Variants in U2AF2 observed in about 807,000 individuals in gnomAD.
U2AF2 encodes the protein splicing factor U2AF 65 kDa subunit.
In U2AF2, 6 loss-of-function variants were observed where a neutral mutation model predicts 52.6. The observed-to-expected ratio is 0.11, with a 90% confidence interval of 0.06 to 0.23. The LOEUF (loss-of-function observed/expected upper bound fraction) is 0.23, where lower values mean the gene tolerates loss of function less well. Ranked by LOEUF, U2AF2 falls within the 10% of genes least tolerant of loss-of-function variation. The probability of loss-of-function intolerance (pLI) is 1.00; values close to 1 mark genes in which losing one functional copy is unlikely to be tolerated. For missense variants in U2AF2, 222 were observed against 677.1 expected, an observed-to-expected ratio of 0.33 and a Z score of 7.46; for synonymous variants, 284 against 258.2, an observed-to-expected ratio of 1.10 and a Z score of -0.96.
intron 1 of U2AF2, among the ~76,000 whole-genome samples, chr19:55,655,523 C>T (rs888118390): frequency 6.6e-6 from 1 of 152,268 alleles, no homozygotes. Flanking sequence ...TCCCCGTAAT[C>T]TCTTTTCTCC....
chr19:55,667,798 T>C (rs570042467), intron 7 of U2AF2, among the ~76,000 whole-genome samples: 16 of 151,576 alleles, frequency 1.1e-4, no homozygotes, highest in Non-Finnish European at 1.5e-4. Context: ...TTTTTTTTTT[T>C]CCTTTGAGAT....
At chr19:55,662,910 T>C (rs543453998) in intron 6 of U2AF2, among the ~76,000 whole-genome samples, 91 of 152,236 alleles carry the variant, frequency 6.0e-4, no homozygotes, top group African/African-American at 2.1e-3. Flanking sequence ...CACACTGACC[T>C]TCCCAGAACC....
At chr19:55,666,724 A>G (rs1055850864) in intron 7 of U2AF2, among the ~76,000 whole-genome samples, 2 of 152,212 alleles carry the variant, frequency 1.3e-5, no homozygotes, top group Admixed American at 6.5e-5. Flanking sequence ...CCAAGGAGCC[A>G]TGAACCCAGG....
rs200671944 is a variant in U2AF2, at chr19:55,668,771, G to C, written c.924G>C (p.Val308=). 5.0e-6 allele frequency: 8 copies of C among 1,613,112 alleles called. No homozygotes were observed. In the Admixed American group the frequency reaches 1.3e-4, roughly 27 times the overall value. ...LSKGYAFCEY[V]DINVTDQAIA... ...AGGGCTACGCCTTCTGTGAGTACGTGGACATCAACGTCACGGATCAGGTGA... is the reference window on the plus strand; with the variant it reads ...AGGGCTACGCCTTCTGTGAGTACGTCGACATCAACGTCACGGATCAGGTGA... Residue 308 remains valine (V), a synonymous_variant, in exon 9 of 12, where the codon GTG becomes GTC. Coordinates refer to ENST00000308924, the MANE Select transcript of U2AF2 (RefSeq NM_007279.3). The surrounding 1 kb of genome is among the most constrained non-coding windows in gnomAD (Gnocchi z 5.5).
At chr19:55,663,786 C>G (rs775180554) in intron 7 of U2AF2, 42 bp downstream of exon 7, 8 of 1,610,656 alleles carry the variant, frequency 5.0e-6, no homozygotes, top group Non-Finnish European at 6.8e-6. Context: ...TCCCCCAGTC[C>G]TGTTCCCATG....
At chr19:55,670,432 TCCGTGCACCCTGCTGTC>T (rs1285477685) in intron 11 of U2AF2, among the ~76,000 whole-genome samples, 6,622 of 114,906 alleles carry the variant, frequency 0.058, 46 homozygotes, top group East Asian at 0.15. Flanking sequence ...GTCCCTGCTG[TCCGTGCACCCTGCTGTC>T]CCGTGCACCC....
intron 7 of U2AF2, among the ~76,000 whole-genome samples, chr19:55,666,865 C>G (rs1408778426): frequency 6.6e-6 from 1 of 152,250 alleles, no homozygotes; most frequent in Non-Finnish European, 1.5e-5. Flanking sequence ...GCCATGCTGC[C>G]TGTGGGGAGT....
intron 7 of U2AF2, among the ~76,000 whole-genome samples, chr19:55,666,714 C>T (rs546801231): frequency 6.6e-6 from 1 of 152,330 alleles, no homozygotes; most frequent in East Asian, 1.9e-4. Context: ...AGACTTGAAC[C>T]CAAGGAGCCA....
chr19:55,660,507 C>CCGCCCCCCGGGGG lies in U2AF2; in HGVS notation c.231-9_231-8insCGCCCCCCGGGGG. 7.6e-7 allele frequency: 1 copy of CCGCCCCCCGGGGG among 1,309,724 alleles called. No individual in the cohort carries two copies. Among genetic ancestry groups the CCGCCCCCCGGGGG allele is most frequent in the Non-Finnish European group, 1.1e-6 (1 of 925,846 alleles). 81.1% of individuals were successfully genotyped at this position (1,309,724 alleles called of 1,614,324 possible). ...GCCCTGCCCCGCTCTCCCCTCCCAC[C>CCGCCCCCCGGGGG]TCCCCCAGTCGTTCCCCCCGCCACG... is the stretch of plus-strand genomic sequence containing the variant. On this transcript the variant is annotated splice_polypyrimidine_tract_variant and intron_variant, in intron 3 of 11. Coordinates refer to ENST00000308924, the MANE Select transcript of U2AF2 (RefSeq NM_007279.3).
rs758132961 is a variant in U2AF2 at position 55,669,701 on chromosome 19, G to A, written c.1293+9G>A. The A allele has an allele frequency of 3.1e-6, 5 of 1,591,284 alleles. No individual in the cohort carries two copies. The Admixed American group carries it at 5.1e-5, about 16-fold the overall frequency. ...TGCCCGGCTGCGGAAAGGTCAGGAG[G>A]CCTCGGGCTCAGTGCTCTCTCACCC... On this transcript the variant is annotated intron_variant, in intron 11 of 11. Coordinates refer to ENST00000308924, the MANE Select transcript of U2AF2 (RefSeq NM_007279.3).
chr19:55,662,418 T>A (rs899504087), intron 5 of U2AF2, 84 bp from the exon 6 acceptor site: 26 of 166,218 alleles, frequency 1.6e-4, no homozygotes, highest in Non-Finnish European at 2.2e-4. Flanking sequence ...CCCAAACCCC[T>A]CTGTGTCTCC....
In U2AF2 at chr19:55,669,307, T is replaced by C. The variant is rs535241985; in HGVS notation, c.1044+126T>C. The stretch of plus-strand genomic sequence containing the variant: ...CATTTGGGGGGCATTCAGTGCAGTG[T>C]TGGGGAGTCGGGCTTTAGGTGTTGG... On this transcript the variant is annotated intron_variant, in intron 10 of 11. Transcript: ENST00000308924. 49 of 1,546,888 alleles carry C rather than the reference T, an allele frequency of 3.2e-5. No homozygotes were observed. In the East Asian group the frequency reaches 5.7e-4, roughly 18 times the overall value.
intron 5 of U2AF2, 119 bp downstream of exon 5, chr19:55,661,308 GC>G (rs965904589): frequency 1.2e-4 from 138 of 1,171,778 alleles, no homozygotes; most frequent in Middle Eastern, 6.0e-4. Flanking sequence ...AGACCCCCCG[GC>G]CCCCTCCCAG....
chr19:55,656,721 T>C (rs539968492), intron 1 of U2AF2, among the ~76,000 whole-genome samples: 2 of 152,138 alleles, frequency 1.3e-5, no homozygotes, highest in Non-Finnish European at 2.9e-5. Flanking sequence ...CTCAGAAAAG[T>C]TAAAAACTTT....
intron 7 of U2AF2, among the ~76,000 whole-genome samples, chr19:55,666,187 T>C (rs1984540107): frequency 1.3e-5 from 2 of 152,190 alleles, no homozygotes; most frequent in Admixed American, 1.3e-4. Flanking sequence ...AGGCGCCCCC[T>C]GCACCAAGAT....
At chr19:55,669,248 G>T in intron 10 of U2AF2, 67 bp downstream of exon 10, 2 of 1,582,300 alleles carry the variant, frequency 1.3e-6, no homozygotes, top group Non-Finnish European at 1.7e-6. Context: ...GGGGACAAGT[G>T]TTCCTGATCT....
In U2AF2 at chr19:55,668,868, T is replaced by C; in HGVS notation, c.945+76T>C. ...GCTGTTGCCAAGCCATGGTCTCCCC[T>C]CCTCAGGGGACGGGGCGGGAGGCGG... On this transcript the variant is annotated intron_variant, in intron 9 of 11. Transcript: ENST00000308924. The surrounding 1 kb of genome is among the most constrained non-coding windows in gnomAD (Gnocchi z 5.5). 6.4e-7 allele frequency: 1 copy of C among 1,558,792 alleles called. No homozygotes were observed. The highest frequency in any genetic ancestry group is 8.7e-7 in the Non-Finnish European group (1 of 1,149,198).
rs556643948 is a variant in U2AF2, at chr19:55,660,102, T to TG, written c.186-68dup. On this transcript the variant is annotated intron_variant, in intron 2 of 11. Coordinates refer to ENST00000308924, the MANE Select transcript of U2AF2 (RefSeq NM_007279.3). ...CTCCCACCCTGGGGCTCAGTGCCCT[T>TG]GGGGGGGTGTGGCATGTGGGGAAGA... 417 of 1,462,294 alleles carry TG rather than the reference T, an allele frequency of 2.9e-4. 1 individual carries two copies. In the Admixed American group the frequency reaches 4.9e-3, roughly 17 times the overall value. 90.6% of individuals were successfully genotyped at this position (1,462,294 alleles called of 1,614,324 possible). A position where few individuals can be genotyped will look rare whatever the true frequency, so the allele number is the denominator to read the frequency against.
intron 11 of U2AF2, chr19:55,672,199 A>G (rs1272285324): frequency 1.3e-5 from 2 of 152,048 alleles, no homozygotes; most frequent in African/African-American, 4.8e-5. Flanking sequence ...GTCTTTTCAA[A>G]TATACTTAAA....
Sources: allele counts gnomAD v4.1 joint callset (sites outside exome capture counted in the v4.1 genomes callset), GRCh38; gene constraint gnomAD v4.1.1; non-coding constraint Gnocchi (gnomAD v3.1); transcripts MANE v1.5; gene names NCBI Gene and HGNC (gene_info 2026-07-23, HGNC 2026-07-21).